The following COL28A1 variants were observed in gnomAD, a reference collection of about 807,000 sequenced individuals.
COL28A1 encodes collagen alpha-1(XXVIII) chain.
Under a neutral mutation model 150.2 loss-of-function variants are expected in COL28A1, and 161 were observed. That is an observed-to-expected ratio of 1.07 (90% CI 0.94 to 1.22). COL28A1 has a LOEUF of 1.22. Ranked by LOEUF, COL28A1 falls within the 50% of genes most tolerant of loss-of-function variation. COL28A1 has a pLI of 0.00. For synonymous variants in COL28A1, 552 were observed against 469.7 expected, an observed-to-expected ratio of 1.18 and a Z score of -2.26; for missense variants, 1,617 against 1,388.3, an observed-to-expected ratio of 1.16 and a Z score of -2.62.
In COL28A1 at chr7:7,532,798, C is replaced by G; in HGVS notation, c.78G>C (p.Lys26Asn). Reference sequence around the variant, plus strand: ...CAAGCAAATTTGATTTTGGTCCTTTCTTTCTTTGTCCGGATACTGTTTGAC... The same window carrying G: ...CAAGCAAATTTGATTTTGGTCCTTTGTTTCTTTGTCCGGATACTGTTTGAC... ...FTSQTVSGQR[K>N]KGPKSNLLAR... Residue 26 changes from lysine (K) to asparagine (N), a missense_variant, in exon 2 of 35, where the codon AAG becomes AAC. Transcript: ENST00000399429. 6.2e-7 allele frequency: 1 copy of G among 1,610,622 alleles called. No individual in the cohort carries two copies. The highest frequency in any genetic ancestry group is 8.5e-7 in the Non-Finnish European group (1 of 1,178,820).
intron 9 of COL28A1, 90 bp from the exon 10 acceptor site, chr7:7,507,251 G>A: frequency 4.3e-6 from 3 of 699,412 alleles, no homozygotes; most frequent in Non-Finnish European, 7.4e-6. Context: ...TGTGTTCTCG[G>A]TAATTGCCAT....
Position 7,373,262 on chromosome 7 carries a change from G to A in COL28A1, c.2644C>T (p.Gln882Ter). 2 of 1,614,170 alleles carry A rather than the reference G, an allele frequency of 1.2e-6. No homozygotes were observed. The highest frequency in any genetic ancestry group is 1.7e-6 in the Non-Finnish European group (2 of 1,180,032). ...GEGTYTATAL[Q>*]AANDMFEDAR... is the part of the protein sequence containing the mutation. ...TCTTCAAACATGTCGTTGGCTGCTT[G>A]CAGAGCAGTGGCTGTGTATGTGCCT... The change falls in exon 32 of 35, where the codon CAA (glutamine) becomes TAA (stop). Residue 882 changes from glutamine (Q) to a stop codon, truncating the protein, a stop_gained. Transcript: ENST00000399429. LOFTEE classifies it high-confidence loss of function. This position sits in a 1 kb window ranked among gnomAD's most constrained non-coding sequence, Gnocchi z 4.1.
rs542113505 is a variant in COL28A1 at position 7,477,836 on chromosome 7, C to T, written c.1165-656G>A. Among the ~76,000 whole-genome samples, 23 of 152,304 alleles carry T rather than the reference C, an allele frequency of 1.5e-4. No homozygotes were observed. In the East Asian group the frequency reaches 4.1e-3, roughly 27 times the overall value. ...CCTGCTTTTATTCTATTATCTGGCC[C>T]CACCCACTTCCTGCTGATTGGTCCA... On this transcript the variant is annotated intron_variant, in intron 13 of 34. Transcript: ENST00000399429.
chr7:7,396,483 A>T (rs1782842893), intron 27 of COL28A1, among the ~76,000 whole-genome samples: 1 of 152,190 alleles, frequency 6.6e-6, no homozygotes, highest in African/African-American at 2.4e-5. Flanking sequence ...TGACTTGATA[A>T]TCAGCAGCTT....
chr7:7,416,877 C>T (rs923643971), intron 27 of COL28A1, among the ~76,000 whole-genome samples: 5 of 152,136 alleles, frequency 3.3e-5, no homozygotes, highest in African/African-American at 1.2e-4. Context: ...CTGTCTCCTA[C>T]TGACTAAGAA....
downstream of COL28A1, chr7:7,356,259 GAGATA>G (rs1780350745): frequency 6.6e-6 from 1 of 152,118 alleles, no homozygotes; most frequent in Non-Finnish European, 1.5e-5. Context: ...GCAACACATA[GAGATA>G]TATAGAGTTT....
chr7:7,374,155 C>T (rs1302900752), intron 31 of COL28A1, among the ~76,000 whole-genome samples: 1 of 151,000 alleles, frequency 6.6e-6, no homozygotes, highest in Admixed American at 6.6e-5. Context: ...GTTAGGATGC[C>T]CTGTGGATGC....
chr7:7,378,057 C>G (rs1781659300), intron 30 of COL28A1, among the ~76,000 whole-genome samples: 1 of 152,070 alleles, frequency 6.6e-6, no homozygotes, highest in Non-Finnish European at 1.5e-5. Flanking sequence ...CTGGCTGAGT[C>G]TCATACGTCT....
intron 18 of COL28A1, among the ~76,000 whole-genome samples, chr7:7,446,948 G>T (rs543753455): frequency 1.3e-5 from 2 of 152,156 alleles, no homozygotes; most frequent in South Asian, 4.1e-4. Flanking sequence ...CAGTACATGT[G>T]TGTGAAGAAA....
chr7:7,397,580 T>C (rs188940207), intron 27 of COL28A1, among the ~76,000 whole-genome samples: 1 of 152,358 alleles, frequency 6.6e-6, no homozygotes, highest in Non-Finnish European at 1.5e-5. Context: ...AATATGTGTA[T>C]GTGCAAGTTA....
intron 25 of COL28A1, among the ~76,000 whole-genome samples, chr7:7,424,496 A>G (rs2128310416): frequency 6.6e-6 from 1 of 152,340 alleles, no homozygotes; most frequent in East Asian, 1.9e-4. Context: ...CAGTGGATAC[A>G]GCAATATTCA....
At chr7:7,360,759 T>C (rs1780611262) in intron 33 of COL28A1, among the ~76,000 whole-genome samples, 1 of 152,102 alleles carries the variant, frequency 6.6e-6, no homozygotes, top group Non-Finnish European at 1.5e-5. Context: ...TATTTCTGTG[T>C]ACACACACAT....
At chr7:7,444,665 A>T (rs899042705) in intron 18 of COL28A1, among the ~76,000 whole-genome samples, 176 bp from the exon 19 acceptor site, 1 of 152,006 alleles carries the variant, frequency 6.6e-6, no homozygotes, top group Non-Finnish European at 1.5e-5. Flanking sequence ...TTAGTTTTTG[A>T]TTCTATTTTT....
chr7:7,542,544 T>C, the COL28A1 span, among the ~76,000 whole-genome samples: 1 of 152,218 alleles, frequency 6.6e-6, no homozygotes, highest in Non-Finnish European at 1.5e-5. Context: ...TATAGTGTGA[T>C]AACATCTATA....
chr7:7,539,845 C>T (rs376965289), upstream of COL28A1, among the ~76,000 whole-genome samples: 1 of 152,124 alleles, frequency 6.6e-6, no homozygotes, highest in South Asian at 2.1e-4. Context: ...ATATCGTTTA[C>T]TCCCTAAGAT....
intron 27 of COL28A1, among the ~76,000 whole-genome samples, chr7:7,405,713 A>T (rs1358890082): frequency 6.6e-6 from 1 of 152,216 alleles, no homozygotes. Context: ...TGTAGAAACC[A>T]CAACTAGAAA....
chr7:7,380,216 T>C (rs928399060), intron 30 of COL28A1, among the ~76,000 whole-genome samples: 6 of 152,154 alleles, frequency 3.9e-5, no homozygotes, highest in African/African-American at 1.4e-4. Flanking sequence ...TATTGAATAA[T>C]TGAATCAATA....
At chr7:7,521,280 A>G (rs186838053) in intron 5 of COL28A1, among the ~76,000 whole-genome samples, 1 of 152,338 alleles carries the variant, frequency 6.6e-6, no homozygotes, top group Non-Finnish European at 1.5e-5. Flanking sequence ...TTCCCAGTAC[A>G]GACATGGCAC....
chr7:7,525,382 G>T (rs1164708014), intron 3 of COL28A1, among the ~76,000 whole-genome samples: 2 of 152,164 alleles, frequency 1.3e-5, no homozygotes, highest in Non-Finnish European at 2.9e-5. Flanking sequence ...AATTCAGTGG[G>T]ATATTACCTG....
Sources: gnomAD v4.1 joint callset for allele counts (sites outside exome capture counted in the v4.1 genomes callset) on GRCh38, gnomAD v4.1.1 for gene constraint, Gnocchi (gnomAD v3.1) non-coding constraint, MANE v1.5 for transcripts, NCBI Gene and HGNC (gene_info 2026-07-23, HGNC 2026-07-21) for gene names.